The following SH2D3C variants were observed in gnomAD, a reference collection of about 807,000 sequenced individuals.
SH2D3C encodes SH2 domain-containing protein 3C.
In SH2D3C, 25 loss-of-function variants were observed where a neutral mutation model predicts 75.2. The observed-to-expected ratio is 0.33, with a 90% confidence interval of 0.24 to 0.46. The LOEUF is 0.46. Ranked by LOEUF, SH2D3C falls within the 20% of genes least tolerant of loss-of-function variation. SH2D3C has a pLI of 1.00. For synonymous variants in SH2D3C, 450 were observed against 473.7 expected (o/e 0.95, Z 0.65); for missense variants, 933 against 1,165.3 (o/e 0.80, Z 2.90).
intron 8 of SH2D3C, 45 bp downstream of exon 8, chr9:127,742,804 A>G: frequency 6.8e-7 from 1 of 1,476,920 alleles, no homozygotes. Context: ...GGAGTGCGGT[A>G]GCCGGGGGTT....
Position 127,751,044 on chromosome 9 carries a change from A to G in SH2D3C, c.684+128T>C, listed in dbSNP as rs1185920101. 3 of 858,186 alleles carry G rather than the reference A, an allele frequency of 3.5e-6. No homozygotes were observed. The highest frequency in any genetic ancestry group is 3.4e-5 in the African/African-American group (2 of 59,590). 53.2% of individuals were successfully genotyped at this position (858,186 alleles called of 1,614,324 possible). On this transcript the variant is annotated intron_variant, in intron 4 of 11. Coordinates refer to ENST00000314830, the MANE Select transcript of SH2D3C (RefSeq NM_170600.3). This position sits in a 1 kb window ranked among gnomAD's most constrained non-coding sequence, Gnocchi z 4.1. The stretch of plus-strand genomic sequence containing the variant: ...AAAGGGCAGAGCTAGACCTCATCCC[A>G]GTCCATTCTGATTGAATCCACCAAG...
chr9:127,754,898 T>G lies in SH2D3C; in HGVS notation c.556-3598A>C. Reference sequence around the variant, plus strand: ...CCGAACCCTCACCCCGCGGAGCGCCTGGGCGCCCAGAGGTGAGGCTGGGGT... The same window carrying G: ...CCGAACCCTCACCCCGCGGAGCGCCGGGGCGCCCAGAGGTGAGGCTGGGGT... On this transcript the variant is annotated intron_variant, in intron 3 of 11. Coordinates refer to ENST00000314830, the MANE Select transcript of SH2D3C (RefSeq NM_170600.3). This position sits in a 1 kb window ranked among gnomAD's most constrained non-coding sequence, Gnocchi z 4.4. The G allele has an allele frequency of 2.0e-6, 1 of 511,514 alleles. No homozygotes were observed. The highest frequency in any genetic ancestry group is 5.8e-5 in the East Asian group (1 of 17,324). 31.7% of individuals were successfully genotyped at this position (511,514 alleles called of 1,614,324 possible). A position where few individuals can be genotyped will look rare whatever the true frequency, so the allele number is the denominator to read the frequency against.
At chr9:127,769,472 G>A (rs1009400192) in intron 2 of SH2D3C, among the ~76,000 whole-genome samples, 2 of 151,464 alleles carry the variant, frequency 1.3e-5, no homozygotes, top group Non-Finnish European at 2.9e-5. Flanking sequence ...GAGAAACTAC[G>A]GCTCTACTAA....
intron 3 of SH2D3C, among the ~76,000 whole-genome samples, chr9:127,759,949 C>T (rs1845487091): frequency 6.7e-6 from 1 of 150,048 alleles, no homozygotes; most frequent in Non-Finnish European, 1.5e-5. Context: ...CACCACTGTG[C>T]TCCAGCCTGG....
At chr9:127,763,731 G>A (rs1332490435) in intron 2 of SH2D3C, among the ~76,000 whole-genome samples, 3 of 152,126 alleles carry the variant, frequency 2.0e-5, no homozygotes, top group Non-Finnish European at 4.4e-5. Context: ...ACAAAAGAAA[G>A]CTGAGATAAA....
rs752769485 is a variant in SH2D3C at position 127,774,314 on chromosome 9, G to A, written c.191C>T (p.Pro64Leu). 1.9e-6 allele frequency: 3 copies of A among 1,613,982 alleles called. No individual in the cohort carries two copies. Among genetic ancestry groups the A allele is most frequent in the Non-Finnish European group, 1.7e-6 (2 of 1,180,006 alleles). ...GTCACTGGAGCGGGCATAGGCTGGG[G>A]GACTCTTGGGCACCGTCACCATGTC... ...QDDMVTVPKS[P>L]PAYARSSDMY... The change falls in exon 2 of 12, where the codon CCC (proline) becomes CTC (leucine). Residue 64 changes from proline to leucine, a missense_variant. Transcript: ENST00000314830. The surrounding 1 kb of genome is among the most constrained non-coding windows in gnomAD (Gnocchi z 4.3).
intron 3 of SH2D3C, among the ~76,000 whole-genome samples, chr9:127,759,893 G>A (rs1032871389): frequency 6.6e-6 from 1 of 151,616 alleles, no homozygotes; most frequent in African/African-American, 2.4e-5. Context: ...TGAGGCAGGA[G>A]AATGGTGTGA....
intron 2 of SH2D3C, chr9:127,771,426 C>A (rs1054050079): frequency 1.6e-6 from 2 of 1,258,866 alleles, no homozygotes; most frequent in South Asian, 4.2e-5. Context: ...CAGGGAAGGA[C>A]GCTCTCCGCC....
At chr9:127,771,414 G>C (rs1327716738) in intron 2 of SH2D3C, 13 of 1,283,092 alleles carry the variant, frequency 1.0e-5, no homozygotes, top group African/African-American at 1.6e-5. Context: ...CTACTCCACC[G>C]GCAGGGAAGG....
intron 1 of SH2D3C, among the ~76,000 whole-genome samples, chr9:127,777,498 A>G (rs1829042503): frequency 1.4e-5 from 1 of 73,096 alleles, no homozygotes; most frequent in African/African-American, 5.1e-5. Flanking sequence ...CTGGGATCCC[A>G]TGATGCCCCC....
At position 127,773,997 on chromosome 9, in the gene SH2D3C, A is replaced by AGT; in HGVS notation, c.506_507dup (p.Ser170ThrfsTer16). 6.2e-7 allele frequency: 1 copy of AGT among 1,603,154 alleles called. No individual in the cohort carries two copies. On this transcript the variant is annotated frameshift_variant, in exon 2 of 12. Transcript: ENST00000314830. LOFTEE classifies it high-confidence loss of function. ...CAGCCCCTGGGCACCTACCTTTCTG[A>AGT]GTGCACGTCCCTGGGAGGTCTCTCC... is the stretch of plus-strand genomic sequence containing the variant.
Position 127,751,383 on chromosome 9 carries a change from A to G in SH2D3C, c.556-83T>C. Reference sequence around the variant, plus strand: ...CCCAACTTCATTCTACCATGGATGAACTCCTCCTATCCTGGGACTCTGGGA... The same window carrying G: ...CCCAACTTCATTCTACCATGGATGAGCTCCTCCTATCCTGGGACTCTGGGA... On this transcript the variant is annotated intron_variant, in intron 3 of 11. Transcript: ENST00000314830. The surrounding 1 kb of genome is among the most constrained non-coding windows in gnomAD (Gnocchi z 4.1). The G allele has an allele frequency of 1.5e-6, 2 of 1,357,344 alleles. No homozygotes were observed. Among genetic ancestry groups the G allele is most frequent in the Non-Finnish European group, 2.1e-6 (2 of 965,196 alleles). The allele number at this position is 1,357,344 out of a possible 1,614,324, so 84.1% of individuals were successfully genotyped here.
chr9:127,745,138 T>A, intron 6 of SH2D3C, 39 bp from the exon 7 acceptor site: 2 of 1,447,046 alleles, frequency 1.4e-6, no homozygotes, highest in Non-Finnish European at 9.1e-7. Flanking sequence ...TTATAGCAGC[T>A]CCCCACCAAA....
intron 1 of SH2D3C, among the ~76,000 whole-genome samples, chr9:127,776,627 C>A (rs1269672449): frequency 6.6e-6 from 1 of 152,258 alleles, no homozygotes; most frequent in Non-Finnish European, 1.5e-5. Context: ...TTTTCCACAT[C>A]CTCAGCATCC....
At chr9:127,756,754 C>T (rs575801306) in intron 3 of SH2D3C, among the ~76,000 whole-genome samples, 16 of 150,878 alleles carry the variant, frequency 1.1e-4, no homozygotes, top group Non-Finnish European at 1.8e-4. Flanking sequence ...ATGCCATTCT[C>T]CTGCCTCAGC....
intron 2 of SH2D3C, among the ~76,000 whole-genome samples, chr9:127,762,965 C>G (rs898604587): frequency 6.6e-6 from 1 of 152,090 alleles, no homozygotes; most frequent in Non-Finnish European, 1.5e-5. Flanking sequence ...CCCACAAGGC[C>G]CTGTGTGGCC....
intron 2 of SH2D3C, among the ~76,000 whole-genome samples, chr9:127,766,203 T>C (rs929312100): frequency 8.5e-5 from 13 of 152,120 alleles, no homozygotes; most frequent in African/African-American, 3.1e-4. Flanking sequence ...AGTGACCTGG[T>C]CCTCTGCATA....
intron 2 of SH2D3C, chr9:127,771,537 C>G (rs1030217012): frequency 5.1e-6 from 2 of 394,304 alleles, no homozygotes; most frequent in African/African-American, 4.2e-5. Context: ...CTCGCCCGCC[C>G]GGCTCCAACG....
At chr9:127,755,289 TCGGGGGAGGAG>T in intron 3 of SH2D3C, 2 of 632,784 alleles carry the variant, frequency 3.2e-6, no homozygotes, top group Non-Finnish European at 3.9e-6. Flanking sequence ...CATCGCCTTG[TCGGGGGAGGAG>T]CGGGGAGGCG....
Sources: gnomAD v4.1 joint callset for allele counts (sites outside exome capture counted in the v4.1 genomes callset) on GRCh38, gnomAD v4.1.1 for gene constraint, Gnocchi (gnomAD v3.1) non-coding constraint, MANE v1.5 for transcripts, NCBI Gene and HGNC (gene_info 2026-07-23, HGNC 2026-07-21) for gene names.